The following GAB1 variants were observed in gnomAD, a reference collection of about 807,000 sequenced individuals.
GAB1 encodes GRB2-associated-binding protein 1.
GAB1 carries 19 observed loss-of-function variants against 66.5 expected under a neutral mutation model. That is an observed-to-expected ratio of 0.29 (90% CI 0.20 to 0.42). GAB1 has a LOEUF of 0.42. Ranked by LOEUF, GAB1 falls within the 10% of genes least tolerant of loss-of-function variation. The pLI, the probability that GAB1 is intolerant of heterozygous loss-of-function variation, is 1.00. For missense variants in GAB1, 732 were observed against 858.5 expected, an observed-to-expected ratio of 0.85 and a Z score of 1.84; for synonymous variants, 294 against 301.4, an observed-to-expected ratio of 0.98 and a Z score of 0.25.
At chr4:143,433,368 A>C (rs1733775187) in intron 2 of GAB1, 123 bp from the exon 3 acceptor site, 1 of 683,992 alleles carries the variant, frequency 1.5e-6, no homozygotes, top group East Asian at 2.7e-5. Context: ...TGTTTGTTTT[A>C]GCTGACATTG....
At chr4:143,428,077 C>T (rs934148741) in intron 2 of GAB1, among the ~76,000 whole-genome samples, 7 of 152,198 alleles carry the variant, frequency 4.6e-5, no homozygotes, top group Non-Finnish European at 8.8e-5. Context: ...TGTCAGTAGC[C>T]TTTGAATTCC....
intron 1 of GAB1, among the ~76,000 whole-genome samples, chr4:143,397,980 T>C (rs1578653424): frequency 6.6e-6 from 1 of 152,330 alleles, no homozygotes; most frequent in East Asian, 1.9e-4. Context: ...AGATGTAGGC[T>C]CATTCCTCAT....
intron 1 of GAB1, among the ~76,000 whole-genome samples, chr4:143,393,229 TTA>T (rs1491201555): frequency 3.3e-5 from 5 of 149,644 alleles, no homozygotes; most frequent in African/African-American, 1.2e-4. Context: ...GTTTTTTTTT[TTA>T]AAAAAAAAAA....
chr4:143,395,717 A>G (rs527697684), intron 1 of GAB1: 2 of 335,290 alleles, frequency 6.0e-6, no homozygotes, highest in Admixed American at 8.5e-5. Context: ...AAGTTTTGAA[A>G]CCATGTTCTT....
chr4:143,389,997 A>T (rs1042092294), intron 1 of GAB1, among the ~76,000 whole-genome samples: 64 of 152,318 alleles, frequency 4.2e-4, no homozygotes, highest in African/African-American at 1.4e-3. Flanking sequence ...CTAAAAGAAG[A>T]ACCCTAGTGT....
chr4:143,392,988 CA>C (rs1362752558), intron 1 of GAB1, among the ~76,000 whole-genome samples: 1 of 152,084 alleles, frequency 6.6e-6, no homozygotes, highest in Non-Finnish European at 1.5e-5. Context: ...TATATGTCCA[CA>C]AAGTACCTGC....
At chr4:143,369,640 G>T (rs574949730) in intron 1 of GAB1, among the ~76,000 whole-genome samples, 1 of 152,322 alleles carries the variant, frequency 6.6e-6, no homozygotes, top group African/African-American at 2.4e-5. Flanking sequence ...CATAACTGCT[G>T]TTGGTGCCCC....
At position 143,409,386 on chromosome 4, in the gene GAB1, T is replaced by TCCC. The variant is rs146705733; in HGVS notation, c.73-6083_73-6081dup. ...GGACTTCAATAACAACTTTGAACTT[T>TCCC]CCCCCCCCCCGCTCTGAAATCTTTT... On this transcript the variant is annotated intron_variant, in intron 1 of 9. Transcript: ENST00000262994. 1.2e-3 allele frequency among the ~76,000 whole-genome samples: 168 copies of TCCC among 138,650 alleles called. 2 individuals carry two copies. The highest frequency in any genetic ancestry group is 4.0e-3 in the African/African-American group (149 of 37,136). 91.0% of individuals were successfully genotyped at this position (138,650 alleles called of 152,430 possible).
At chr4:143,392,209 A>G (rs1731219520) in intron 1 of GAB1, among the ~76,000 whole-genome samples, 1 of 152,214 alleles carries the variant, frequency 6.6e-6, no homozygotes, top group African/African-American at 2.4e-5. Flanking sequence ...TAGGGAAGAA[A>G]GTAGAAGTGA....
At chr4:143,455,613 G>A (rs1735144895) in intron 6 of GAB1, among the ~76,000 whole-genome samples, 2 of 152,134 alleles carry the variant, frequency 1.3e-5, no homozygotes, top group South Asian at 4.2e-4. Context: ...AGAGCATTTT[G>A]TAATTAAACC....
At chr4:143,445,736 G>A (rs543766337) in intron 6 of GAB1, among the ~76,000 whole-genome samples, 1 of 151,986 alleles carries the variant, frequency 6.6e-6, no homozygotes, top group African/African-American at 2.4e-5. Flanking sequence ...ATGATCATAT[G>A]TTTTTTGTTT....
intron 1 of GAB1, among the ~76,000 whole-genome samples, chr4:143,358,829 AT>A (rs1729548091): frequency 6.6e-6 from 1 of 152,194 alleles, no homozygotes; most frequent in Non-Finnish European, 1.5e-5. Context: ...ACTAATTGGT[AT>A]TTGTGGGGAT....
rs1227937475 is a variant in GAB1 at position 143,440,373 on chromosome 4, G to A, written c.1576G>A (p.Asp526Asn). ...PPPVDRNLKPDRKVKPAPLEI... is the reference protein window; with the variant it reads ...PPPVDRNLKPNRKVKPAPLEI... Reference sequence around the variant, plus strand: ...CCCCGTGGATAGGAACCTCAAGCCAGACAGAAAAGGTAAGGAGAGCATGGC... The same window carrying A: ...CCCCGTGGATAGGAACCTCAAGCCAAACAGAAAAGGTAAGGAGAGCATGGC... Residue 526 changes from aspartate to asparagine, a missense_variant, in exon 6 of 10, where the codon GAC becomes AAC. Physicochemically the swap from Asp to Asn is conservative, Grantham distance 23. Coordinates refer to ENST00000262994, the MANE Select transcript of GAB1 (RefSeq NM_002039.4). 3 of 1,609,268 alleles carry A rather than the reference G, an allele frequency of 1.9e-6. No individual in the cohort carries two copies. The highest frequency in any genetic ancestry group is 2.5e-6 in the Non-Finnish European group (3 of 1,177,566).
chr4:143,399,143 G>C (rs1578655018), intron 1 of GAB1, among the ~76,000 whole-genome samples: 1 of 152,150 alleles, frequency 6.6e-6, no homozygotes, highest in East Asian at 1.9e-4. Flanking sequence ...TTTTGTTTTA[G>C]TTATTCACGT....
chr4:143,421,915 G>A (rs1047138395), intron 2 of GAB1, among the ~76,000 whole-genome samples: 9 of 151,974 alleles, frequency 5.9e-5, no homozygotes, highest in African/African-American at 2.2e-4. Flanking sequence ...TAAAGAGGGA[G>A]TCATGACAAA....
intron 3 of GAB1, among the ~76,000 whole-genome samples, chr4:143,435,856 A>C (rs571904730): frequency 6.6e-6 from 1 of 152,204 alleles, no homozygotes; most frequent in South Asian, 2.1e-4. Context: ...TCCTCTAGGA[A>C]GCATTCCTCT....
chr4:143,400,418 G>A (rs936966810), intron 1 of GAB1, among the ~76,000 whole-genome samples: 2 of 152,160 alleles, frequency 1.3e-5, no homozygotes, highest in African/African-American at 4.8e-5. Flanking sequence ...GCTAATGCTG[G>A]GTGGTTTTTA....
At position 143,361,647 on chromosome 4, in the gene GAB1, T is replaced by C. The variant is rs1246804923; in HGVS notation, c.72+24387T>C. On this transcript the variant is annotated intron_variant, in intron 1 of 9. Coordinates refer to ENST00000262994, the MANE Select transcript of GAB1 (RefSeq NM_002039.4). ...TATATTGCCACTGCCTCCTGGCACA[T>C]GATCATAGGCCCTGCATCTTGCACC... 2.6e-5 allele frequency among the ~76,000 whole-genome samples: 4 copies of C among 152,168 alleles called. No individual in the cohort carries two copies. In the East Asian group the frequency reaches 7.7e-4, roughly 29 times the overall value.
chr4:143,422,103 A>G (rs893951160), intron 2 of GAB1, among the ~76,000 whole-genome samples: 4 of 152,182 alleles, frequency 2.6e-5, no homozygotes, highest in Admixed American at 6.5e-5. Context: ...ATGTTCTTCC[A>G]TAAAAAACGG....
Sources: gnomAD v4.1 joint callset for allele counts (sites outside exome capture counted in the v4.1 genomes callset) on GRCh38, gnomAD v4.1.1 for gene constraint, MANE v1.5 for transcripts, NCBI Gene and HGNC (gene_info 2026-07-23, HGNC 2026-07-21) for gene names.